Variants in HHIPL2 observed in about 807,000 individuals in gnomAD.
The protein encoded by HHIPL2 is HHIP-like protein 2.
HHIPL2 carries 61 observed loss-of-function variants against 61.0 expected under a neutral mutation model. The ratio of observed to expected loss-of-function variants is 1.00; its 90% confidence interval spans 0.81 to 1.24. The LOEUF is 1.24. HHIPL2 is among the 50% of genes most tolerant of loss of function. HHIPL2 has a pLI of 0.00. For missense variants in HHIPL2, 885 were observed against 910.2 expected, an observed-to-expected ratio of 0.97 and a Z score of 0.36; for synonymous variants, 343 against 357.4, an observed-to-expected ratio of 0.96 and a Z score of 0.45.
intron 7 of HHIPL2, 68 bp downstream of exon 7, chr1:222,526,901 T>C: frequency 2.2e-6 from 3 of 1,341,030 alleles, no homozygotes; most frequent in Non-Finnish European, 3.2e-6. Context: ...AGGACTGTTT[T>C]TATGGCCTGC....
chr1:222,533,382 A>C (rs1470271218), intron 5 of HHIPL2, among the ~76,000 whole-genome samples: 1 of 151,890 alleles, frequency 6.6e-6, no homozygotes, highest in Non-Finnish European at 1.5e-5. Flanking sequence ...AAAAAGAAAA[A>C]AAGAAAAGAA....
At chr1:222,541,978 G>A (rs1486502465) in intron 3 of HHIPL2, 34 bp downstream of exon 3, 1 of 1,572,224 alleles carries the variant, frequency 6.4e-7, no homozygotes, top group Non-Finnish European at 8.6e-7. Context: ...GGCTCACTCT[G>A]AAGGGACAAG....
intron 1 of HHIPL2, 59 bp from the exon 2 acceptor site, chr1:222,544,248 C>T (rs1030222162): frequency 7.2e-5 from 111 of 1,531,786 alleles, no homozygotes; most frequent in Non-Finnish European, 8.5e-5. Context: ...GCACTTGTCT[C>T]AAGTTTTGAG....
intron 7 of HHIPL2, 54 bp from the exon 8 acceptor site, chr1:222,523,748 A>C (rs1558125230): frequency 6.5e-7 from 1 of 1,549,542 alleles, no homozygotes; most frequent in South Asian, 1.1e-5. Context: ...ATGCAACCGG[A>C]AAATCAAGGT....
chr1:222,546,483 G>T (rs906727935), intron 1 of HHIPL2, among the ~76,000 whole-genome samples: 3 of 152,196 alleles, frequency 2.0e-5, no homozygotes, highest in African/African-American at 4.8e-5. Context: ...GGCTGAAATT[G>T]TTCTTATTCC....
rs753340048 is a variant in HHIPL2, at chr1:222,543,853, C to T, written c.658G>A (p.Val220Ile). Residue 220 changes from valine to isoleucine, a missense_variant, in exon 2 of 9, where the codon GTC becomes ATC. Val to Ile is a conservative substitution (Grantham distance 29, BLOSUM62 3). Transcript: ENST00000343410. ...CCGTCCCCAGCATGGACCATGGAGA[C>T]GGGGTTCCTCAGCCCGTTGGCCACC... ...SEVANGLRNP[V>I]SMVHAGDGTH... 5 of 1,614,172 alleles carry T rather than the reference C, an allele frequency of 3.1e-6. No individual in the cohort carries two copies. Among genetic ancestry groups the T allele is most frequent in the East Asian group, 4.5e-5 (2 of 44,856 alleles).
chr1:222,531,772 G>T (rs1659197416), intron 6 of HHIPL2, among the ~76,000 whole-genome samples, 194 bp downstream of exon 6: 1 of 152,034 alleles, frequency 6.6e-6, no homozygotes, highest in South Asian at 2.1e-4. Flanking sequence ...TTATATCGTG[G>T]GGGTGTTATG....
Position 222,545,120 on chromosome 1 carries a change from T to C in HHIPL2, c.322-931A>G, listed in dbSNP as rs1571779295. ...GCAGACGAGCGACTCCCAGTAGTGA[T>C]GAAAGACAGAGGCAACTGAGATTAG... On this transcript the variant is annotated intron_variant, in intron 1 of 8. Transcript: ENST00000343410. Among the ~76,000 whole-genome samples the C allele has an allele frequency of 2.0e-5, 3 of 152,172 alleles. No individual in the cohort carries two copies. The South Asian group carries it at 6.2e-4, about 32-fold the overall frequency.
Position 222,544,176 on chromosome 1 carries a change from T to C in HHIPL2, c.335A>G (p.Tyr112Cys), listed in dbSNP as rs1184616960. Residue 112 changes from tyrosine to cysteine, a missense_variant, in exon 2 of 9, where the codon TAC becomes TGC. By Grantham distance (194) the Tyr-to-Cys change is radical. Coordinates refer to ENST00000343410, the MANE Select transcript of HHIPL2 (RefSeq NM_024746.4). ...KDILCQECSP[Y>C]AAHLYDAENT... is the part of the protein sequence containing the mutation. ...TTCGGCGTCGTAGAGGTGGGCTGCG[T>C]AGGGCGAGCACTCCTAAAAAAGAAC... The C allele has an allele frequency of 1.9e-6, 3 of 1,612,086 alleles. No individual in the cohort carries two copies. The highest frequency in any genetic ancestry group is 1.7e-6 in the Non-Finnish European group (2 of 1,179,838).
At position 222,540,045 on chromosome 1, in the gene HHIPL2, C is replaced by A. The variant is rs779944883; in HGVS notation, c.1415G>T (p.Cys472Phe). The A allele has an allele frequency of 1.2e-6, 2 of 1,614,184 alleles. No individual in the cohort carries two copies. The highest frequency in any genetic ancestry group is 1.7e-6 in the Non-Finnish European group (2 of 1,180,038). ...ATTGTGACAAAGTTTTTTGTCATAA[C>A]ATGCAAACCCTTCCTTTGCTCTCCA... ...YGWRAKEGFA[C>F]YDKKLCHNAS... The change falls in exon 4 of 9, where the codon TGT (cysteine) becomes TTT (phenylalanine). Residue 472 changes from cysteine to phenylalanine, a missense_variant. Physicochemically the swap from Cys to Phe is radical, Grantham distance 205 (BLOSUM62 -2). Transcript: ENST00000343410.
intron 7 of HHIPL2, chr1:222,524,123 T>A (rs1659013944): frequency 6.0e-6 from 1 of 165,510 alleles, no homozygotes; most frequent in East Asian, 1.8e-4. Flanking sequence ...CTGCTGCTGC[T>A]TCTGATGGTG....
chr1:222,539,398 T>C (rs1359917544), intron 4 of HHIPL2, among the ~76,000 whole-genome samples: 2 of 150,942 alleles, frequency 1.3e-5, no homozygotes, highest in East Asian at 3.9e-4. Context: ...GGAGTGGTGG[T>C]GCATGCCTGT....
rs150512909 is a variant in HHIPL2, at chr1:222,540,177, C to T, written c.1283G>A (p.Arg428Gln). 7.3e-5 allele frequency: 118 copies of T among 1,614,244 alleles called. 4 individuals carry two copies. The African/African-American group carries it at 1.2e-3, about 16-fold the overall frequency. ...IRNMWRCAVD[R>Q]GDPITRQGRG... ...GCCCTGGCGCGTGATGGGGTCCCCT[C>T]GGTCCACAGCACAACGCCACATGTT... is the stretch of plus-strand genomic sequence containing the variant. The change falls in exon 4 of 9, where the codon CGA becomes CAA. Residue 428 changes from arginine to glutamine, a missense_variant. Physicochemically the swap from Arg to Gln is conservative, Grantham distance 43. Coordinates refer to ENST00000343410, the MANE Select transcript of HHIPL2 (RefSeq NM_024746.4).
chr1:222,535,797 A>G (rs181447420), intron 5 of HHIPL2, among the ~76,000 whole-genome samples: 2 of 152,316 alleles, frequency 1.3e-5, no homozygotes, highest in Non-Finnish European at 1.5e-5. Flanking sequence ...GTCATATACA[A>G]TATGTTCTGG....
At chr1:222,530,799 A>T (rs1659171069) in intron 6 of HHIPL2, among the ~76,000 whole-genome samples, 1 of 148,890 alleles carries the variant, frequency 6.7e-6, no homozygotes, top group Non-Finnish European at 1.5e-5. Context: ...TTGTTTAATT[A>T]TTTTTTTTTC....
intron 5 of HHIPL2, among the ~76,000 whole-genome samples, chr1:222,532,875 A>G (rs1050125788): frequency 2.6e-5 from 4 of 152,166 alleles, no homozygotes; most frequent in African/African-American, 4.8e-5. Context: ...TGTTATTATT[A>G]TTGCTGTATA....
intron 6 of HHIPL2, among the ~76,000 whole-genome samples, chr1:222,527,329 C>T (rs923876262): frequency 6.6e-6 from 1 of 152,172 alleles, no homozygotes; most frequent in Non-Finnish European, 1.5e-5. Flanking sequence ...AGGTTTCCCC[C>T]TTATCACCTC....
At chr1:222,525,433 A>G (rs1430311743) in intron 7 of HHIPL2, among the ~76,000 whole-genome samples, 2 of 152,028 alleles carry the variant, frequency 1.3e-5, no homozygotes, top group African/African-American at 4.8e-5. Context: ...CCATCCACAC[A>G]TCACCCCGGG....
chr1:222,527,455 T>C (rs1659093643), intron 6 of HHIPL2, among the ~76,000 whole-genome samples: 1 of 152,144 alleles, frequency 6.6e-6, no homozygotes, highest in South Asian at 2.1e-4. Flanking sequence ...AATCGCTTTA[T>C]TTTGCCCCTT....
Sources: gnomAD v4.1 joint callset for allele counts (sites outside exome capture counted in the v4.1 genomes callset) on GRCh38, gnomAD v4.1.1 for gene constraint, MANE v1.5 for transcripts, NCBI Gene and HGNC (gene_info 2026-07-23, HGNC 2026-07-21) for gene names.